The following CKAP5 variants were observed in gnomAD, a reference collection of about 807,000 sequenced individuals.
CKAP5 encodes cytoskeleton-associated protein 5.
CKAP5 carries 27 observed loss-of-function variants against 232.8 expected under a neutral mutation model. That is an observed-to-expected ratio of 0.12 (90% CI 0.09 to 0.16). The LOEUF (loss-of-function observed/expected upper bound fraction) is 0.16. CKAP5 is among the 10% of genes least tolerant of loss of function. The pLI is 1.00. For missense variants in CKAP5, 1,838 were observed against 2,424.7 expected (o/e 0.76, Z 5.08); for synonymous variants, 785 against 841.1 (o/e 0.93, Z 1.16).
intron 1 of CKAP5, among the ~76,000 whole-genome samples, chr11:46,837,032 A>C (rs369142344): frequency 1.9e-3 from 289 of 152,350 alleles, no homozygotes; most frequent in African/African-American, 6.8e-3. Flanking sequence ...TTCTGACCTA[A>C]GTAGCTTTGG....
chr11:46,816,231 A>T lies in CKAP5; in HGVS notation c.425T>A (p.Val142Glu), dbSNP rs754344128. Residue 142 changes from valine to glutamate, a missense_variant, in exon 4 of 44, where the codon GTG becomes GAG. Around this residue, in one of 6 missense-constraint regions of CKAP5, gnomAD observed 285 missense variants for 300.0 expected, o/e 0.95. Transcript: ENST00000529230. ...TTTCCTCAGTGTCTCTATACAGGCCACTATGATCTTGGGATTCTTATTGTC... is the reference window on the plus strand; with the variant it reads ...TTTCCTCAGTGTCTCTATACAGGCCTCTATGATCTTGGGATTCTTATTGTC... ...GLDNKNPKII[V>E]ACIETLRKAL... is the part of the protein sequence containing the mutation. 1.9e-6 allele frequency: 3 copies of T among 1,614,018 alleles called. No individual in the cohort carries two copies. The highest frequency in any genetic ancestry group is 2.5e-6 in the Non-Finnish European group (3 of 1,180,032).
At chr11:46,768,763 G>A (rs2065224809) in intron 26 of CKAP5, among the ~76,000 whole-genome samples, 1 of 151,730 alleles carries the variant, frequency 6.6e-6, no homozygotes, top group Non-Finnish European at 1.5e-5. Context: ...TGTAATTTTT[G>A]TAGAGATGGA....
intron 35 of CKAP5, among the ~76,000 whole-genome samples, chr11:46,756,887 C>T (rs2134581686): frequency 6.6e-6 from 1 of 151,376 alleles, no homozygotes; most frequent in Non-Finnish European, 1.5e-5. Context: ...TCCGGAGTAG[C>T]TGGGATTACA....
At chr11:46,827,270 T>C (rs190965282) in intron 1 of CKAP5, among the ~76,000 whole-genome samples, 316 of 152,276 alleles carry the variant, frequency 2.1e-3, no homozygotes, top group African/African-American at 7.4e-3. Context: ...TAACCTCCTT[T>C]GGACTCGAGC....
intron 3 of CKAP5, among the ~76,000 whole-genome samples, chr11:46,817,114 A>G (rs1001756613): frequency 5.4e-5 from 8 of 147,154 alleles, no homozygotes; most frequent in African/African-American, 1.3e-4. Flanking sequence ...ATCAAAAAGA[A>G]AAAAAAAAAA....
intron 42 of CKAP5, among the ~76,000 whole-genome samples, 181 bp from the exon 43 acceptor site, chr11:46,744,758 C>T (rs1169948809): frequency 1.3e-5 from 2 of 152,106 alleles, no homozygotes; most frequent in Admixed American, 1.3e-4. Flanking sequence ...ATATAAGCTT[C>T]TTGAGAATGC....
At chr11:46,843,871 C>G (rs1940117511) in intron 1 of CKAP5, among the ~76,000 whole-genome samples, 3 of 152,170 alleles carry the variant, frequency 2.0e-5, no homozygotes, top group South Asian at 4.1e-4. Context: ...CTTCCCCTAC[C>G]TAGTATTGCA....
chr11:46,827,218 T>A (rs1438261803), intron 1 of CKAP5, among the ~76,000 whole-genome samples: 1 of 152,118 alleles, frequency 6.6e-6, no homozygotes, highest in Non-Finnish European at 1.5e-5. Context: ...AGCATCAAGG[T>A]AGATACATAG....
At chr11:46,801,162 A>T (rs927425732) in intron 9 of CKAP5, 38 bp downstream of exon 9, 5 of 1,467,014 alleles carry the variant, frequency 3.4e-6, no homozygotes, top group Non-Finnish European at 4.8e-6. Flanking sequence ...TTTTTGATAA[A>T]TTTTGTTGAT....
chr11:46,745,991 G>C (rs1222402100), intron 42 of CKAP5, among the ~76,000 whole-genome samples: 1 of 152,066 alleles, frequency 6.6e-6, no homozygotes, highest in Admixed American at 6.6e-5. Context: ...TAAAGTCTTG[G>C]AAAGGCGTAA....
chr11:46,811,264 A>G, intron 4 of CKAP5, 86 bp from the exon 5 acceptor site: 3 of 1,050,158 alleles, frequency 2.9e-6, no homozygotes, highest in South Asian at 1.7e-5. Flanking sequence ...ACATAGTTCC[A>G]TATCTACATA....
intron 35 of CKAP5, among the ~76,000 whole-genome samples, chr11:46,756,168 T>C (rs2065109606): frequency 6.6e-6 from 1 of 152,164 alleles, no homozygotes; most frequent in Admixed American, 6.5e-5. Context: ...ATCTAATCTA[T>C]TGGCAAGTTC....
At chr11:46,791,346 C>T (rs916542832) in intron 13 of CKAP5, among the ~76,000 whole-genome samples, 1 of 150,822 alleles carries the variant, frequency 6.6e-6, no homozygotes, top group East Asian at 2.0e-4. Flanking sequence ...ACCTCCTGGG[C>T]TTAAGCGAGC....
intron 42 of CKAP5, among the ~76,000 whole-genome samples, chr11:46,748,059 G>A (rs1042446971): frequency 6.6e-6 from 1 of 152,022 alleles, no homozygotes; most frequent in Non-Finnish European, 1.5e-5. Context: ...GAAACAAGGG[G>A]GCTGGTGGGG....
intron 8 of CKAP5, among the ~76,000 whole-genome samples, chr11:46,803,951 T>C (rs1443854769): frequency 6.6e-6 from 1 of 152,224 alleles, no homozygotes; most frequent in Non-Finnish European, 1.5e-5. Context: ...GGAATGGACA[T>C]CAAAAACATG....
chr11:46,843,920 A>G (rs1465168214), intron 1 of CKAP5, among the ~76,000 whole-genome samples: 2 of 152,096 alleles, frequency 1.3e-5, no homozygotes, highest in South Asian at 2.1e-4. Context: ...TAGAAGCTAC[A>G]GTTAGAAAAG....
At chr11:46,759,549 T>C in intron 33 of CKAP5, 107 bp from the exon 34 acceptor site, 1 of 1,118,120 alleles carries the variant, frequency 8.9e-7, no homozygotes. Flanking sequence ...GTTCAACTTC[T>C]GGTTTCAGCC....
At chr11:46,789,425 G>A (rs1225419991) in intron 15 of CKAP5, among the ~76,000 whole-genome samples, 3 of 152,070 alleles carry the variant, frequency 2.0e-5, no homozygotes, top group Non-Finnish European at 2.9e-5. Context: ...AAAAAGTACT[G>A]GATGAGGGGT....
At chr11:46,803,895 G>T (rs1318276117) in intron 8 of CKAP5, among the ~76,000 whole-genome samples, 2 of 152,124 alleles carry the variant, frequency 1.3e-5, no homozygotes, top group Admixed American at 1.3e-4. Context: ...TCTCAGATAT[G>T]ATTTAGATGC....
Sources: gnomAD v4.1 joint callset for allele counts (sites outside exome capture counted in the v4.1 genomes callset) on GRCh38, gnomAD v4.1.1 for gene constraint, gnomAD v4.1.1 regional missense constraint, MANE v1.5 for transcripts, NCBI Gene and HGNC (gene_info 2026-07-23, HGNC 2026-07-21) for gene names.